MAB21L3: variants seen among roughly 807,000 people sequenced by gnomAD.
MAB21L3 encodes mab-21 like 3.
In MAB21L3, 36 loss-of-function variants were observed where a neutral mutation model predicts 37.7. The observed-to-expected ratio is 0.96, with a 90% CI of 0.73 to 1.26. The LOEUF is 1.26. Ranked by LOEUF, MAB21L3 falls within the 50% of genes most tolerant of loss-of-function variation. The pLI is 0.00. For synonymous variants in MAB21L3, 186 were observed against 176.8 expected (o/e 1.05, Z -0.41); for missense variants, 430 against 447.3 (o/e 0.96, Z 0.35).
chr1:116,129,021 G>A (rs892136006), intron 7 of MAB21L3, among the ~76,000 whole-genome samples: 1 of 152,246 alleles, frequency 6.6e-6, no homozygotes, highest in Non-Finnish European at 1.5e-5. Context: ...GCCTGCCCCA[G>A]TACCTGCTGT....
intron 3 of MAB21L3, 130 bp downstream of exon 3, chr1:116,112,793 C>T: frequency 2.3e-6 from 2 of 867,928 alleles, no homozygotes; most frequent in South Asian, 1.5e-5. Flanking sequence ...AACAGACTGT[C>T]ACCTATAACA....
At position 116,124,459 on chromosome 1, in the gene MAB21L3, G is replaced by C. The variant is rs181489102; in HGVS notation, c.481+102G>C. 48 of 1,080,228 alleles carry C rather than the reference G, an allele frequency of 4.4e-5. No homozygotes were observed. The African/African-American group carries it at 6.9e-4, about 16-fold the overall frequency. The allele number at this position is 1,080,228 out of a possible 1,614,324, so 66.9% of individuals were successfully genotyped here. A position where few individuals can be genotyped will look rare whatever the true frequency, so the allele number is the denominator to read the frequency against. On this transcript the variant is annotated intron_variant, in intron 5 of 7. Coordinates refer to ENST00000369500, the MANE Select transcript of MAB21L3 (RefSeq NM_152367.3). ...TACCTGCAGCTCACAGCCTACATTT[G>C]AGAAAATAATCATGTGCTCTTCACA... is the stretch of plus-strand genomic sequence containing the variant.
chr1:116,114,902 T>G (rs1023178950), intron 3 of MAB21L3, among the ~76,000 whole-genome samples: 1 of 152,018 alleles, frequency 6.6e-6, no homozygotes, highest in African/African-American at 2.4e-5. Context: ...GTGTAGGGTT[T>G]TAATAAGTGG....
At chr1:116,124,503 T>A in intron 5 of MAB21L3, 146 bp downstream of exon 5, 1 of 769,832 alleles carries the variant, frequency 1.3e-6, no homozygotes, top group Admixed American at 3.1e-5. Flanking sequence ...ATCTTCATAA[T>A]ATGAATCAGC....
chr1:116,133,102 A>G (rs1342118782), intron 7 of MAB21L3, 30 bp from the exon 8 acceptor site: 3 of 1,578,974 alleles, frequency 1.9e-6, no homozygotes, highest in African/African-American at 2.7e-5. Context: ...TGCCCGAAAC[A>G]ATGTCTGACA....
At position 116,123,881 on chromosome 1, in the gene MAB21L3, T is replaced by G. The variant is rs184702207; in HGVS notation, c.190-185T>G. ...ACTTGCCCGAAGTATTTACAATGAT[T>G]CAGTAGCAGAACAAAGAGGTAATCC... On this transcript the variant is annotated intron_variant, in intron 4 of 7. Transcript: ENST00000369500. 7 of 580,042 alleles carry G rather than the reference T, an allele frequency of 1.2e-5. No homozygotes were observed. In the African/African-American group the frequency reaches 1.3e-4, roughly 11 times the overall value. The allele number at this position is 580,042 out of a possible 1,614,324, so 35.9% of individuals were successfully genotyped here. A position where few individuals can be genotyped will look rare whatever the true frequency, so the allele number is the denominator to read the frequency against.
intron 3 of MAB21L3, among the ~76,000 whole-genome samples, chr1:116,116,143 G>A (rs751590824): frequency 1.3e-5 from 2 of 152,194 alleles, no homozygotes; most frequent in Non-Finnish European, 2.9e-5. Flanking sequence ...ACTTCTTGCT[G>A]TATCTGTCTA....
chr1:116,112,302 G>A lies in MAB21L3; in HGVS notation c.-209-105G>A, dbSNP rs1363512492. On this transcript the variant is annotated intron_variant, in intron 2 of 7. Transcript: ENST00000369500. ...ACAATTTGGAAAATTGCTCTCTGGT[G>A]AAAGCACCAGTCAATGTAGCTAACT... 7 of 245,812 alleles carry A rather than the reference G, an allele frequency of 2.8e-5. No homozygotes were observed. In the East Asian group the frequency reaches 5.8e-4, roughly 20 times the overall value. 15.2% of individuals were successfully genotyped at this position (245,812 alleles called of 1,614,324 possible).
intron 5 of MAB21L3, among the ~76,000 whole-genome samples, chr1:116,125,870 G>T (rs1419873805): frequency 6.7e-6 from 1 of 149,486 alleles, no homozygotes; most frequent in African/African-American, 2.6e-5. Context: ...GGCAGGGTGT[G>T]GGCCGGCAGG....
chr1:116,120,904 C>T lies in MAB21L3; in HGVS notation c.49-28C>T, dbSNP rs778325695. 3 of 1,612,068 alleles carry T rather than the reference C, an allele frequency of 1.9e-6. No individual in the cohort carries two copies. The East Asian group carries it at 6.7e-5, about 36-fold the overall frequency. On this transcript the variant is annotated intron_variant, in intron 3 of 7. Coordinates refer to ENST00000369500, the MANE Select transcript of MAB21L3 (RefSeq NM_152367.3). ...TCTTGGGGCCCACAGAGGAAATAACCACCATTGCTGGTCCCTCTCACACCC... is the reference window on the plus strand; with the variant it reads ...TCTTGGGGCCCACAGAGGAAATAACTACCATTGCTGGTCCCTCTCACACCC...
intron 7 of MAB21L3, among the ~76,000 whole-genome samples, chr1:116,132,682 G>T (rs2101619742): frequency 6.6e-6 from 1 of 152,270 alleles, no homozygotes; most frequent in Non-Finnish European, 1.5e-5. Context: ...CTCAACTTGT[G>T]AAAAGCAGTT....
chr1:116,112,589 G>C lies in MAB21L3; in HGVS notation c.-27G>C. 1.2e-6 allele frequency: 2 copies of C among 1,600,260 alleles called. No individual in the cohort carries two copies. Among genetic ancestry groups the C allele is most frequent in the Non-Finnish European group, 8.5e-7 (1 of 1,174,520 alleles). On this transcript the variant is annotated 5_prime_UTR_variant, in exon 3 of 8. Transcript: ENST00000369500. ...AAAAAAAAAAAACCAGGAAGTTGCT[G>C]TTCTACTGAGGACTGACCAAGAAGC...
At chr1:116,130,552 T>C (rs1369710903) in intron 7 of MAB21L3, among the ~76,000 whole-genome samples, 2 of 152,236 alleles carry the variant, frequency 1.3e-5, no homozygotes, top group Admixed American at 1.3e-4. Context: ...AGATGATGAC[T>C]TGAGTGTGCT....
At chr1:116,127,761 A>T in intron 6 of MAB21L3, 117 bp downstream of exon 6, 1 of 1,131,002 alleles carries the variant, frequency 8.8e-7, no homozygotes, top group South Asian at 1.7e-5. Flanking sequence ...CTAGATCAGC[A>T]GTTCTCAAAG....
At chr1:116,115,592 A>G (rs1389568854) in intron 3 of MAB21L3, among the ~76,000 whole-genome samples, 2 of 152,194 alleles carry the variant, frequency 1.3e-5, no homozygotes, top group Non-Finnish European at 2.9e-5. Context: ...CTGCATGGTC[A>G]TGGGTGTGAT....
intron 4 of MAB21L3, 99 bp downstream of exon 4, chr1:116,121,171 C>G: frequency 8.6e-7 from 1 of 1,163,728 alleles, no homozygotes; most frequent in South Asian, 1.5e-5. Context: ...ACTCAGAATA[C>G]TCATAACAAT....
rs1399741284 is a variant in MAB21L3, at chr1:116,136,204, A to G, written c.*2839A>G. Among the ~76,000 whole-genome samples, 7 of 150,892 alleles carry G rather than the reference A, an allele frequency of 4.6e-5. No individual in the cohort carries two copies. Among genetic ancestry groups the G allele is most frequent in the Non-Finnish European group, 8.9e-5 (6 of 67,636 alleles). ...AGTCAAATTGTCCCTGTTTGCAGAC[A>G]ACATGATTGTATATCTAGAAAACCC... On this transcript the variant is annotated 3_prime_UTR_variant, in exon 8 of 8. Coordinates refer to ENST00000369500, the MANE Select transcript of MAB21L3 (RefSeq NM_152367.3).
chr1:116,121,044 A>G lies in MAB21L3; in HGVS notation c.161A>G (p.Tyr54Cys). The stretch of plus-strand genomic sequence containing the variant: ...GACATTAGATTTCAAGCTGTGCCTT[A>G]CTCTGACACGTACAATGAAAATATT... ...NQDIRFQAVP[Y>C]SDTYNENIKV... Residue 54 changes from tyrosine to cysteine, a missense_variant, in exon 4 of 8, where the codon TAC becomes TGC. Physicochemically the swap from Tyr to Cys is radical, Grantham distance 194. Coordinates refer to ENST00000369500, the MANE Select transcript of MAB21L3 (RefSeq NM_152367.3). 6.2e-7 allele frequency: 1 copy of G among 1,614,072 alleles called. No homozygotes were observed. The highest frequency in any genetic ancestry group is 8.5e-7 in the Non-Finnish European group (1 of 1,179,972).
At chr1:116,119,142 G>A (rs991282645) in intron 3 of MAB21L3, among the ~76,000 whole-genome samples, 1 of 152,140 alleles carries the variant, frequency 6.6e-6, no homozygotes, top group Non-Finnish European at 1.5e-5. Context: ...TTTGTCATTT[G>A]TTATTTTTCC....
Sources: allele counts gnomAD v4.1 joint callset (sites outside exome capture counted in the v4.1 genomes callset), GRCh38; gene constraint gnomAD v4.1.1; transcripts MANE v1.5; gene names NCBI Gene and HGNC (gene_info 2026-07-23, HGNC 2026-07-21).